The following SAMD8 variants were observed in gnomAD, a reference collection of about 807,000 sequenced individuals.
SAMD8 encodes sterile alpha motif domain containing 8, also known as sphingomyelin synthase-related protein 1.
SAMD8 carries 20 observed loss-of-function variants against 42.0 expected under a neutral mutation model. The observed-to-expected ratio is 0.48, with a 90% CI of 0.34 to 0.69. The LOEUF is 0.69. SAMD8 is among the 30% of genes least tolerant of loss of function. The probability of loss-of-function intolerance (pLI) is 0.01; values close to 1 mark genes in which losing one functional copy is unlikely to be tolerated. For missense variants in SAMD8, 328 were observed against 511.6 expected (o/e 0.64, Z 3.46); for synonymous variants, 162 against 173.0 (o/e 0.94, Z 0.50).
chr10:75,162,469 G>T (rs1409341776), intron 2 of SAMD8, among the ~76,000 whole-genome samples: 1 of 151,960 alleles, frequency 6.6e-6, no homozygotes, highest in Non-Finnish European at 1.5e-5. Flanking sequence ...GACCAACATG[G>T]AGAAACCCCA....
At chr10:75,166,303 A>G (rs1840676737) in intron 3 of SAMD8, among the ~76,000 whole-genome samples, 1 of 152,044 alleles carries the variant, frequency 6.6e-6, no homozygotes, top group Non-Finnish European at 1.5e-5. Flanking sequence ...GGCATTGTAA[A>G]CAAAAAATTT....
At chr10:75,134,183 T>TG (rs1232709231) in intron 1 of SAMD8, among the ~76,000 whole-genome samples, 1 of 151,934 alleles carries the variant, frequency 6.6e-6, no homozygotes, top group Non-Finnish European at 1.5e-5. Flanking sequence ...GGCCTGTCAG[T>TG]GGGGGGCAGC....
At chr10:75,103,933 C>A in intron 1 of SAMD8, 1 of 1,317,656 alleles carries the variant, frequency 7.6e-7, no homozygotes, top group South Asian at 1.2e-5. Flanking sequence ...GGGGTGTAGG[C>A]GCCAGGAGGA....
At chr10:75,123,400 C>T (rs1345877955) in intron 1 of SAMD8, among the ~76,000 whole-genome samples, 41 of 152,114 alleles carry the variant, frequency 2.7e-4, no homozygotes, top group Admixed American at 2.6e-3. Context: ...AAATGGACTC[C>T]TCTGACAGCA....
intron 1 of SAMD8, among the ~76,000 whole-genome samples, chr10:75,137,694 T>C (rs958883374): frequency 2.6e-5 from 4 of 152,098 alleles, no homozygotes; most frequent in African/African-American, 9.7e-5. Flanking sequence ...GAATATAGAT[T>C]AGAGAATACC....
intron 1 of SAMD8, among the ~76,000 whole-genome samples, chr10:75,106,101 C>CTTTTTTTT (rs767630456): frequency 4.9e-5 from 6 of 123,022 alleles, no homozygotes; most frequent in Admixed American, 7.9e-5. Flanking sequence ...TCTTTCTTTT[C>CTTTTTTTT]TTTTTTTTTT....
At chr10:75,162,249 C>A (rs1276596944) in intron 2 of SAMD8, among the ~76,000 whole-genome samples, 2 of 152,110 alleles carry the variant, frequency 1.3e-5, no homozygotes, top group Non-Finnish European at 2.9e-5. Flanking sequence ...ATCCCAGCAA[C>A]GCGGGAGACT....
intron 1 of SAMD8, among the ~76,000 whole-genome samples, chr10:75,143,135 C>T (rs375027401): frequency 1.3e-5 from 2 of 152,234 alleles, no homozygotes; most frequent in East Asian, 1.9e-4. Flanking sequence ...GGTGAAATCT[C>T]GTCTTTACTA....
At chr10:75,152,806 C>T (rs1840322780) in intron 2 of SAMD8, among the ~76,000 whole-genome samples, 1 of 152,128 alleles carries the variant, frequency 6.6e-6, no homozygotes. Flanking sequence ...GTTGAGGTTA[C>T]AGTGAGCTAT....
At position 75,123,813 on chromosome 10, in the gene SAMD8, GAGAGTAGCTACTCAGCCTC is replaced by G. The variant is rs540971655; in HGVS notation, c.-16+12120_-16+12138del. On this transcript the variant is annotated intron_variant, in intron 1 of 5. Transcript: ENST00000542569. ...TCAAGCGACTCTCCAGCCTCAGCCT[GAGAGTAGCTACTCAGCCTC>G]AGAGTAGCTACTCAGCCTCAGAGTA... 2.0e-3 allele frequency among the ~76,000 whole-genome samples: 308 copies of G among 151,768 alleles called. 3 individuals carry two copies. In the East Asian group the frequency reaches 0.037, roughly 18 times the overall value.
intron 2 of SAMD8, among the ~76,000 whole-genome samples, chr10:75,162,572 C>T (rs1264504637): frequency 6.7e-6 from 1 of 149,630 alleles, no homozygotes. Flanking sequence ...TTGCTTGAAC[C>T]CAGGAGGCGG....
At chr10:75,153,418 C>T (rs1230992236) in intron 2 of SAMD8, among the ~76,000 whole-genome samples, 3 of 151,912 alleles carry the variant, frequency 2.0e-5, no homozygotes, top group African/African-American at 7.2e-5. Context: ...CGAGACCAGC[C>T]TGGCCAACAT....
intron 3 of SAMD8, among the ~76,000 whole-genome samples, chr10:75,168,072 C>A (rs1325929638): frequency 6.6e-6 from 1 of 152,050 alleles, no homozygotes; most frequent in African/African-American, 2.4e-5. Flanking sequence ...TCTTGGCTCA[C>A]TGCAACCTCC....
chr10:75,172,706 C>T (rs1268732862), intron 4 of SAMD8, among the ~76,000 whole-genome samples: 1 of 152,102 alleles, frequency 6.6e-6, no homozygotes, highest in Non-Finnish European at 1.5e-5. Context: ...CCATCTTGGC[C>T]AGGCTGGTCT....
At chr10:75,156,993 A>G (rs1405658926) in intron 2 of SAMD8, among the ~76,000 whole-genome samples, 1 of 152,108 alleles carries the variant, frequency 6.6e-6, no homozygotes, top group East Asian at 1.9e-4. Flanking sequence ...CTAGAGAAAC[A>G]AAGGGGAGAA....
At chr10:75,132,736 C>T (rs1035807814) in intron 1 of SAMD8, among the ~76,000 whole-genome samples, 1 of 151,868 alleles carries the variant, frequency 6.6e-6, no homozygotes, top group Non-Finnish European at 1.5e-5. Context: ...CGGCTGTAAT[C>T]CCAGCACTTT....
chr10:75,108,028 C>A (rs758715227), upstream of SAMD8: 8 of 1,613,404 alleles, frequency 5.0e-6, no homozygotes, highest in Non-Finnish European at 6.8e-6. Flanking sequence ...ATGAAGTCAG[C>A]CGCAGAGGAG....
chr10:75,127,889 T>C (rs1023850552), intron 1 of SAMD8, among the ~76,000 whole-genome samples: 2 of 152,168 alleles, frequency 1.3e-5, no homozygotes, highest in African/African-American at 4.8e-5. Flanking sequence ...GAATATTTTA[T>C]TTGTTCTGGT....
rs182892395 is a variant in SAMD8, at chr10:75,115,662, C to T, written c.-16+3940C>T. On this transcript the variant is annotated intron_variant, in intron 1 of 5. Transcript: ENST00000542569. ...CAATACTATAGAATGTAACATACTG[C>T]GGGCACGGTGGCTCACGCCTGTAAT... Among the ~76,000 whole-genome samples, 531 of 152,240 alleles carry T rather than the reference C, an allele frequency of 3.5e-3. 3 individuals are homozygous for T. The highest frequency in any genetic ancestry group is 0.012 in the African/African-American group (481 of 41,538).
Sources: allele counts gnomAD v4.1 joint callset (sites outside exome capture counted in the v4.1 genomes callset), GRCh38; gene constraint gnomAD v4.1.1; transcripts MANE v1.5; gene names NCBI Gene and HGNC (gene_info 2026-07-23, HGNC 2026-07-21).